The following CXCR4 variants were observed in gnomAD, a reference collection of about 807,000 sequenced individuals.
The protein encoded by CXCR4 is C-X-C chemokine receptor type 4.
Under a neutral mutation model 22.4 loss-of-function variants are expected in CXCR4, and 6 were observed. That is an observed-to-expected ratio of 0.27 (90% confidence interval 0.15 to 0.53). The LOEUF (loss-of-function observed/expected upper bound fraction) is 0.53, where lower values mean the gene tolerates loss of function less well. CXCR4 is among the 20% of genes least tolerant of loss of function. CXCR4 has a pLI of 0.96. For missense variants in CXCR4, 300 were observed against 430.4 expected (o/e 0.70, Z 2.68); for synonymous variants, 155 against 171.7 (o/e 0.90, Z 0.76).
intron 1 of CXCR4, 159 bp downstream of exon 1, chr2:136,117,887 C>CCCCCAAAA: frequency 4.5e-6 from 1 of 222,946 alleles, no homozygotes; most frequent in Non-Finnish European, 9.1e-6. Flanking sequence ...CACCCACCCG[C>CCCCCAAAA]ACTATATAGG....
chr2:136,117,523 A>T (rs1684940471), intron 1 of CXCR4: 2 of 155,758 alleles, frequency 1.3e-5, no homozygotes, highest in South Asian at 1.6e-4. Context: ...TTTAACAAAC[A>T]CGCACCCAGT....
intron 1 of CXCR4, 65 bp downstream of exon 1, chr2:136,117,981 A>C: frequency 6.5e-7 from 1 of 1,543,410 alleles, no homozygotes; most frequent in Non-Finnish European, 8.9e-7. Context: ...CCGCTCGGAG[A>C]GGGGCTGCGC....
chr2:136,117,993 C>G, intron 1 of CXCR4, 53 bp downstream of exon 1: 1 of 1,598,632 alleles, frequency 6.3e-7, no homozygotes, highest in South Asian at 1.1e-5. Context: ...GGGCTGCGCT[C>G]TAAGTTCAAA....
chr2:136,117,869 T>TCCCTC, intron 1 of CXCR4, 177 bp downstream of exon 1: 2 of 170,812 alleles, frequency 1.2e-5, no homozygotes, highest in South Asian at 7.0e-5. Context: ...CCAATCCTGC[T>TCCCTC]CCCCCCCCAC....
chr2:136,115,147 T>C lies in CXCR4; in HGVS notation c.781A>G (p.Ile261Val). The change falls in exon 2 of 2, where the codon ATC becomes GTC. Residue 261 changes from isoleucine to valine, a missense_variant. This residue lies in a region of CXCR4 where 137 missense variants were observed against 153.2 expected (regional missense o/e 0.89). Coordinates refer to ENST00000241393, the MANE Select transcript of CXCR4 (RefSeq NM_003467.3). The surrounding 1 kb of genome is among the most constrained non-coding windows in gnomAD (Gnocchi z 6.4). ...CWLPYYIGIS[I>V]DSFILLEIIK... ...ATTTCCAGGAGGATGAAGGAGTCGA[T>C]GCTGATCCCAATGTAGTAAGGCAGC... 1 of 1,614,230 alleles carries C rather than the reference T, an allele frequency of 6.2e-7. No individual in the cohort carries two copies. The highest frequency in any genetic ancestry group is 8.5e-7 in the Non-Finnish European group (1 of 1,180,046).
In CXCR4 at chr2:136,115,028, G is replaced by T. The variant is rs761255687; in HGVS notation, c.900C>A (p.Ile300=). 1 of 1,614,200 alleles carries T rather than the reference G, an allele frequency of 6.2e-7. No individual in the cohort carries two copies. The highest frequency in any genetic ancestry group is 1.1e-5 in the South Asian group (1 of 91,082). The change falls in exon 2 of 2, where the codon ATC becomes ATA. Residue 300 remains isoleucine, a synonymous_variant. Coordinates refer to ENST00000241393, the MANE Select transcript of CXCR4 (RefSeq NM_003467.3). The surrounding 1 kb of genome is among the most constrained non-coding windows in gnomAD (Gnocchi z 6.4). ...ATTTGGCTCCAAGGAAAGCATAGAG[G>T]ATGGGGTTCAGACAACAGTGGAAGA... is the stretch of plus-strand genomic sequence containing the variant. ...LAFFHCCLNP[I]LYAFLGAKFK...
At chr2:136,116,704 A>C (rs1300177233) in intron 1 of CXCR4, among the ~76,000 whole-genome samples, 2 of 152,142 alleles carry the variant, frequency 1.3e-5, no homozygotes, top group African/African-American at 2.4e-5. Context: ...TGGAGAAGGT[A>C]ACGGGGTCTG....
At chr2:136,117,736 A>C in intron 1 of CXCR4, 12 of 340,790 alleles carry the variant, frequency 3.5e-5, no homozygotes, top group East Asian at 6.8e-5. Context: ...TGTGCACAGA[A>C]TGTTCTTACG....
At position 136,115,063 on chromosome 2, in the gene CXCR4, C is replaced by T. The variant is rs1034031817; in HGVS notation, c.865G>A (p.Ala289Thr). The T allele has an allele frequency of 6.2e-7, 1 of 1,614,048 alleles. No individual in the cohort carries two copies. The highest frequency in any genetic ancestry group is 8.5e-7 in the Non-Finnish European group (1 of 1,180,046). ...TVHKWISITEALAFFHCCLNP... is the reference protein window; with the variant it reads ...TVHKWISITETLAFFHCCLNP... ...AGACAACAGTGGAAGAAAGCTAGGGCCTCGGTGATGGAAATCCACTTGTGC... is the reference window on the plus strand; with the variant it reads ...AGACAACAGTGGAAGAAAGCTAGGGTCTCGGTGATGGAAATCCACTTGTGC... Residue 289 changes from alanine to threonine, a missense_variant, in exon 2 of 2, where the codon GCC becomes ACC. By Grantham distance (58) the Ala-to-Thr change is moderately conservative (BLOSUM62 0). This residue lies in a region of CXCR4 where 45 missense variants were observed against 89.1 expected (regional missense o/e 0.51). Transcript: ENST00000241393. This position sits in a 1 kb window ranked among gnomAD's most constrained non-coding sequence, Gnocchi z 6.4.
At position 136,115,502 on chromosome 2, in the gene CXCR4, G is replaced by A. The variant is rs1382997078; in HGVS notation, c.426C>T (p.Thr142=). 2.5e-6 allele frequency: 4 copies of A among 1,614,194 alleles called. No individual in the cohort carries two copies. The South Asian group carries it at 3.3e-5, about 13-fold the overall frequency. Residue 142 remains threonine (T), a synonymous_variant, in exon 2 of 2, where the codon ACC becomes ACT. Coordinates refer to ENST00000241393, the MANE Select transcript of CXCR4 (RefSeq NM_003467.3). This position sits in a 1 kb window ranked among gnomAD's most constrained non-coding sequence, Gnocchi z 6.4. ...LDRYLAIVHA[T]NSQRPRKLLA... The stretch of plus-strand genomic sequence containing the variant: ...ACAGCTTCCTTGGCCTCTGACTGTT[G>A]GTGGCGTGGACGATGGCCAGGTAGC...
intron 1 of CXCR4, chr2:136,116,333 G>T: frequency 1.4e-6 from 1 of 706,724 alleles, no homozygotes. Context: ...GAGGGGCAGT[G>T]ATTAACTTTT....
chr2:136,114,694 C>CA lies in CXCR4; in HGVS notation c.*174dup, dbSNP rs1252273611. The CA allele has an allele frequency of 1.7e-5, 10 of 587,002 alleles. No homozygotes were observed. Among genetic ancestry groups the CA allele is most frequent in the African/African-American group, 3.8e-5 (2 of 53,094 alleles). 36.4% of individuals were successfully genotyped at this position (587,002 alleles called of 1,614,324 possible). ...TGCCTAGACACACATCAATATGAAA[C>CA]AAAAAAAATTTATATAAATAAGTCA... On this transcript the variant is annotated 3_prime_UTR_variant, in exon 2 of 2. Transcript: ENST00000241393.
At chr2:136,117,954 G>T in intron 1 of CXCR4, 92 bp downstream of exon 1, 1 of 1,189,284 alleles carries the variant, frequency 8.4e-7, no homozygotes, top group Non-Finnish European at 1.2e-6. Flanking sequence ...TACCTCCAAT[G>T]TCCTGGCCGC....
chr2:136,114,360 T>C lies in CXCR4; in HGVS notation c.*509A>G, dbSNP rs1357387503. 1.4e-5 allele frequency: 3 copies of C among 211,754 alleles called. No homozygotes were observed. The highest frequency in any genetic ancestry group is 6.8e-5 in the African/African-American group (3 of 44,072). The allele number at this position is 211,754 out of a possible 1,614,324, so 13.1% of individuals were successfully genotyped here. A position where few individuals can be genotyped will look rare whatever the true frequency, so the allele number is the denominator to read the frequency against. ...AACATAACACTAAGTAAGTTTAACA[T>C]GTACTTTTATTAACAACTTAATACA... On this transcript the variant is annotated 3_prime_UTR_variant, in exon 2 of 2. Transcript: ENST00000241393.
intron 1 of CXCR4, chr2:136,117,414 T>C: frequency 6.6e-6 from 1 of 152,034 alleles, no homozygotes; most frequent in East Asian, 1.9e-4. Context: ...CTGCCACCAC[T>C]CGATCCCCTC....
chr2:136,117,680 A>G (rs937920208), intron 1 of CXCR4: 1 of 213,338 alleles, frequency 4.7e-6, no homozygotes, highest in African/African-American at 2.3e-5. Context: ...CAAGGAAGAG[A>G]CCGGTGGTCT....
chr2:136,118,105 G>T lies in CXCR4; in HGVS notation c.-45C>A. 6.2e-7 allele frequency: 1 copy of T among 1,607,858 alleles called. No homozygotes were observed. Among genetic ancestry groups the T allele is most frequent in the Non-Finnish European group, 8.5e-7 (1 of 1,175,344 alleles). On this transcript the variant is annotated 5_prime_UTR_variant, in exon 1 of 2. In the 5' UTR this introduces an upstream ATG that the reference lacks. Coordinates refer to ENST00000241393, the MANE Select transcript of CXCR4 (RefSeq NM_003467.3). Reference sequence around the variant, plus strand: ...GATGCGGTGGCTACTGGAGCACTCAGGCCCTCGGCGTCACTTTGCTACCTG... The same window carrying T: ...GATGCGGTGGCTACTGGAGCACTCATGCCCTCGGCGTCACTTTGCTACCTG...
intron 1 of CXCR4, chr2:136,117,808 A>C (rs1684957991): frequency 6.0e-6 from 3 of 503,948 alleles, no homozygotes; most frequent in East Asian, 3.6e-5. Flanking sequence ...ACATGCAGCC[A>C]CTGGAACGCT....
At chr2:136,117,725 T>C (rs1684953265) in intron 1 of CXCR4, 2 of 325,442 alleles carry the variant, frequency 6.1e-6, no homozygotes, top group East Asian at 7.2e-5. Context: ...TTCTCTGCAC[T>C]TGTGCACAGA....
Sources: allele counts gnomAD v4.1 joint callset (sites outside exome capture counted in the v4.1 genomes callset), GRCh38; gene constraint gnomAD v4.1.1; regional missense constraint gnomAD v4.1.1; non-coding constraint Gnocchi (gnomAD v3.1); transcripts MANE v1.5; gene names NCBI Gene and HGNC (gene_info 2026-07-23, HGNC 2026-07-21).